The following RBFOX1 variants were observed in gnomAD, a reference collection of about 807,000 sequenced individuals.
RBFOX1 encodes RNA binding protein fox-1 homolog 1.
A neutral mutation model predicts 57.7 loss-of-function variants in RBFOX1; 8 were observed. That is an observed-to-expected ratio of 0.14 (90% CI 0.08 to 0.25). The LOEUF is 0.25. RBFOX1 is among the 10% of genes least tolerant of loss of function. The pLI is 1.00. For synonymous variants in RBFOX1, 326 were observed against 222.4 expected, an observed-to-expected ratio of 1.47 and a Z score of -4.15; for missense variants, 611 against 548.5, an observed-to-expected ratio of 1.11 and a Z score of -1.14.
chr16:5,966,546 C>T (rs979179263), intron 4 of RBFOX1, among the ~76,000 whole-genome samples: 17 of 152,214 alleles, frequency 1.1e-4, no homozygotes, highest in African/African-American at 4.1e-4. Flanking sequence ...CAATCTCCGC[C>T]TCCCAGGTTC....
At chr16:6,841,128 C>G (rs769263377) in intron 3 of RBFOX1, among the ~76,000 whole-genome samples, 1 of 151,540 alleles carries the variant, frequency 6.6e-6, no homozygotes, top group East Asian at 1.9e-4. Context: ...TGCTTAAGTT[C>G]CTTGTACACT....
At chr16:7,428,494 TTTATTATTATTATTATTATTATTATTA>T (rs71147697) in intron 4 of RBFOX1, among the ~76,000 whole-genome samples, 3 of 128,730 alleles carry the variant, frequency 2.3e-5, no homozygotes, top group Admixed American at 8.1e-5. Flanking sequence ...TCCTGGCTAT[TTTATTATTATTATTATTATTATTATTA>T]TTATTATTAT....
chr16:6,707,760 C>T (rs59240166), intron 3 of RBFOX1, among the ~76,000 whole-genome samples: 12 of 152,028 alleles, frequency 7.9e-5, no homozygotes, highest in Non-Finnish European at 1.2e-4. Context: ...CTTTAGTAGC[C>T]GTGTAGGAGA....
intron 4 of RBFOX1, among the ~76,000 whole-genome samples, chr16:7,468,339 C>A (rs73500331): frequency 6.6e-6 from 1 of 152,092 alleles, no homozygotes; most frequent in East Asian, 1.9e-4. Context: ...ACAATAAATT[C>A]TTCTCCCCTG....
At chr16:6,202,051 C>T (rs948883508) in intron 1 of RBFOX1, among the ~76,000 whole-genome samples, 3 of 152,058 alleles carry the variant, frequency 2.0e-5, no homozygotes, top group Admixed American at 6.6e-5. Flanking sequence ...TCATCATGTG[C>T]CCAACTGCAT....
chr16:6,991,445 C>A (rs757878920), intron 3 of RBFOX1, among the ~76,000 whole-genome samples: 3 of 152,170 alleles, frequency 2.0e-5, no homozygotes, highest in African/African-American at 4.8e-5. Flanking sequence ...GGAACTGACA[C>A]AATGATTAGC....
At chr16:6,898,711 A>G (rs1329806251) in intron 3 of RBFOX1, among the ~76,000 whole-genome samples, 2 of 150,972 alleles carry the variant, frequency 1.3e-5, no homozygotes, top group Non-Finnish European at 2.9e-5. Context: ...TGTCTATAAT[A>G]TATGTGTGTA....
chr16:6,389,455 A>G lies in RBFOX1; in HGVS notation c.-64+72398A>G, dbSNP rs537251299. 3.9e-4 allele frequency among the ~76,000 whole-genome samples: 59 copies of G among 152,328 alleles called. 1 individual carries two copies. Among genetic ancestry groups the G allele is most frequent in the South Asian group, 6.2e-4 (3 of 4,824 alleles). Reference sequence around the variant, plus strand: ...AGAAAATGTGGTCATTAAGTTTATCATCATGAAAGCAGGCACCTGGTTTCT... The same window carrying G: ...AGAAAATGTGGTCATTAAGTTTATCGTCATGAAAGCAGGCACCTGGTTTCT... On this transcript the variant is annotated intron_variant, in intron 2 of 15. Transcript: ENST00000550418.
chr16:6,133,996 G>A (rs1367082491), intron 1 of RBFOX1, among the ~76,000 whole-genome samples: 2 of 151,870 alleles, frequency 1.3e-5, no homozygotes, highest in Non-Finnish European at 2.9e-5. Context: ...AAGTGCAGTG[G>A]CGCAGTCTCG....
chr16:7,284,404 C>T (rs1478364344), intron 4 of RBFOX1, among the ~76,000 whole-genome samples: 1 of 152,204 alleles, frequency 6.6e-6, no homozygotes, highest in African/African-American at 2.4e-5. Flanking sequence ...TATCACAGCT[C>T]ACTGCAGCCT....
chr16:6,432,666 A>T (rs1266070795), intron 2 of RBFOX1, among the ~76,000 whole-genome samples: 3 of 152,174 alleles, frequency 2.0e-5, no homozygotes, highest in Middle Eastern at 3.4e-3. Context: ...TGAGTAACAG[A>T]TTGAGACCCT....
chr16:7,452,375 C>T lies in RBFOX1; in HGVS notation c.28-65772C>T, dbSNP rs562573243. ...TGTGCTAAGAGCTTAGAACAACACA[C>T]GGTGCCTGGTGCATCCCCCACCTGC... On this transcript the variant is annotated intron_variant, in intron 4 of 15. Transcript: ENST00000550418. Among the ~76,000 whole-genome samples, 10 of 152,262 alleles carry T rather than the reference C, an allele frequency of 6.6e-5. No individual in the cohort carries two copies. In the South Asian group the frequency reaches 8.3e-4, roughly 13 times the overall value.
intron 3 of RBFOX1, among the ~76,000 whole-genome samples, chr16:5,813,500 A>C (rs1026431491): frequency 3.3e-5 from 5 of 152,232 alleles, no homozygotes; most frequent in Admixed American, 6.5e-5. Context: ...GCACTGATTC[A>C]TGCCACAGTA....
At chr16:6,399,256 T>G (rs1002146626) in intron 2 of RBFOX1, among the ~76,000 whole-genome samples, 2 of 152,198 alleles carry the variant, frequency 1.3e-5, no homozygotes, top group African/African-American at 2.4e-5. Context: ...AGGCCTCTGG[T>G]CCTGTGATGG....
intron 6 of RBFOX1, among the ~76,000 whole-genome samples, chr16:7,585,922 C>A (rs1418663440): frequency 6.6e-6 from 1 of 152,108 alleles, no homozygotes; most frequent in Non-Finnish European, 1.5e-5. Flanking sequence ...TGCCCCACCC[C>A]TCACCCCAGT....
At chr16:5,601,521 T>C (rs1284352025), downstream of RBFOX1, 2 of 152,198 alleles carry the variant, frequency 1.3e-5, no homozygotes, top group Non-Finnish European at 2.9e-5. Context: ...CTCGGAAGAC[T>C]GTGGGAGCAT....
chr16:7,368,238 T>G lies in RBFOX1; in HGVS notation c.28-149909T>G, dbSNP rs375937910. ...GCCAAGATCCTGCCACTGCACTCCATCCTGGGCCACAGAGTGAGACTGTCT... is the reference window on the plus strand; with the variant it reads ...GCCAAGATCCTGCCACTGCACTCCAGCCTGGGCCACAGAGTGAGACTGTCT... On this transcript the variant is annotated intron_variant, in intron 4 of 15. Transcript: ENST00000550418. Among the ~76,000 whole-genome samples the G allele has an allele frequency of 1.8e-4, 26 of 147,806 alleles. No individual in the cohort carries two copies. In the South Asian group the frequency reaches 5.6e-3, roughly 32 times the overall value.
At chr16:6,886,697 C>G (rs531986546) in intron 3 of RBFOX1, among the ~76,000 whole-genome samples, 4 of 150,936 alleles carry the variant, frequency 2.7e-5, no homozygotes, top group Non-Finnish European at 4.4e-5. Context: ...AGAGGTTGCA[C>G]TAAACTGAGA....
At chr16:7,273,242 C>CTTCA (rs1567986002) in intron 4 of RBFOX1, among the ~76,000 whole-genome samples, 2 of 143,968 alleles carry the variant, frequency 1.4e-5, no homozygotes, top group Non-Finnish European at 3.0e-5. Context: ...TCCTTCCTTC[C>CTTCA]TTCCTTCCTT....
Sources: gnomAD v4.1 joint callset for allele counts (sites outside exome capture counted in the v4.1 genomes callset) on GRCh38, gnomAD v4.1.1 for gene constraint, MANE v1.5 for transcripts, NCBI Gene and HGNC (gene_info 2026-07-23, HGNC 2026-07-21) for gene names.